GNG8: variants seen among roughly 807,000 people sequenced by gnomAD.
GNG8 encodes the protein guanine nucleotide-binding protein G(I)/G(S)/G(O) subunit gamma-8.
Under a neutral mutation model 4.6 loss-of-function variants are expected in GNG8, and 3 were observed. That is an observed-to-expected ratio of 0.65 (90% CI 0.29 to 1.67). The LOEUF is 1.67. Ranked by LOEUF, GNG8 falls within the 40% of genes most tolerant of loss-of-function variation. The pLI, the probability that GNG8 is intolerant of heterozygous loss-of-function variation, is 0.10. For missense variants in GNG8, 88 were observed against 95.2 expected (o/e 0.92, Z 0.32); for synonymous variants, 32 against 40.5 (o/e 0.79, Z 0.80).
upstream of GNG8, chr19:46,638,489 C>T (rs573558963): frequency 1.1e-3 from 176 of 153,418 alleles, 1 homozygote; most frequent in Middle Eastern, 0.01. The surrounding 1 kb of genome is among the most constrained non-coding windows in gnomAD (Gnocchi z 4.7). Context: ...ACACAGTTTC[C>T]TGGCGTCGTA....
intron 2 of GNG8, 56 bp downstream of exon 2, chr19:46,634,543 C>T: frequency 1.3e-6 from 2 of 1,503,492 alleles, no homozygotes; most frequent in Non-Finnish European, 1.8e-6. Context: ...CCGACACAGC[C>T]CCGGACAGAC....
chr19:46,638,764 C>G (rs1412899945), upstream of GNG8: 1 of 152,516 alleles, frequency 6.6e-6, no homozygotes, highest in Non-Finnish European at 1.5e-5. The surrounding 1 kb of genome is among the most constrained non-coding windows in gnomAD (Gnocchi z 4.7). Context: ...CACCCTGCCC[C>G]GAGAGGCCGC....
rs764126111 is a variant in GNG8, at chr19:46,634,211, G to A, written c.85-7C>T. On this transcript the variant is annotated splice_polypyrimidine_tract_variant and splice_region_variant and intron_variant, in intron 2 of 2. Transcript: ENST00000693335. ...CCGCTGCTGCCTGCGACACCTGCGAGCACCCGGGTGGAGATGTCACCGCCC... is the reference window on the plus strand; with the variant it reads ...CCGCTGCTGCCTGCGACACCTGCGAACACCCGGGTGGAGATGTCACCGCCC... The A allele has an allele frequency of 6.9e-6, 11 of 1,600,092 alleles. No individual in the cohort carries two copies. Among genetic ancestry groups the A allele is most frequent in the Admixed American group, 1.7e-5 (1 of 58,860 alleles).
At chr19:46,635,956 T>G (rs2052865884) in intron 1 of GNG8, among the ~76,000 whole-genome samples, 191 bp downstream of exon 1, 7 of 136,346 alleles carry the variant, frequency 5.1e-5, no homozygotes, top group African/African-American at 1.1e-4. Context: ...AAGAGGGAGA[T>G]GGAGGGGTTG....
chr19:46,634,904 G>A (rs1002618590), intron 1 of GNG8, among the ~76,000 whole-genome samples, 179 bp from the exon 2 acceptor site: 16 of 151,862 alleles, frequency 1.1e-4, no homozygotes, highest in Non-Finnish European at 1.8e-4. Flanking sequence ...GATGGAGGTA[G>A]CTAAGGCAGG....
At position 46,634,012 on chromosome 19, in the gene GNG8, C is replaced by T. The variant is rs934454331; in HGVS notation, c.*64G>A. On this transcript the variant is annotated 3_prime_UTR_variant, in exon 3 of 3. Transcript: ENST00000693335. Reference sequence around the variant, plus strand: ...TCAGTCTCCCTGAAAGCACAGGCACCACCACAGTTACCAAGTTTATTGGAT... The same window carrying T: ...TCAGTCTCCCTGAAAGCACAGGCACTACCACAGTTACCAAGTTTATTGGAT... The T allele has an allele frequency of 2.6e-6, 4 of 1,551,430 alleles. No homozygotes were observed. In the African/African-American group the frequency reaches 5.5e-5, roughly 21 times the overall value.
upstream of GNG8, chr19:46,638,564 A>C (rs1421194312): frequency 6.5e-6 from 1 of 152,880 alleles, no homozygotes; most frequent in African/African-American, 2.4e-5. This position sits in a 1 kb window ranked among gnomAD's most constrained non-coding sequence, Gnocchi z 4.7. Flanking sequence ...GGCAGTACAC[A>C]CTCACACACT....
intron 2 of GNG8, among the ~76,000 whole-genome samples, 171 bp from the exon 3 acceptor site, chr19:46,634,375 C>T (rs11083843): frequency 7.1e-6 from 1 of 140,042 alleles, no homozygotes; most frequent in Admixed American, 7.1e-5. Context: ...TCCTACCCCG[C>T]CCCTCGTCCT....
chr19:46,636,451 C>T (rs888242312), upstream of GNG8, among the ~76,000 whole-genome samples: 5 of 152,190 alleles, frequency 3.3e-5, no homozygotes, highest in Admixed American at 6.5e-5. Context: ...CCCCGGGCCT[C>T]GCTACATTTA....
Position 46,635,182 on chromosome 19 carries a change from G to GC in GNG8, c.-43-458dup, listed in dbSNP as rs200857560. ...CTGCCCTCTCCGCCACCCTCAGGGA[G>GC]CCCCCCCACCCTAGCCCTGGTCACC... is the stretch of plus-strand genomic sequence containing the variant. On this transcript the variant is annotated intron_variant, in intron 1 of 2. Transcript: ENST00000693335. 6.7e-3 allele frequency among the ~76,000 whole-genome samples: 1,023 copies of GC among 151,904 alleles called. 11 individuals carry two copies. Among genetic ancestry groups the GC allele is most frequent in the South Asian group, 0.04 (192 of 4,804 alleles).
chr19:46,634,167 T>C lies in GNG8; in HGVS notation c.122A>G (p.Glu41Gly), dbSNP rs2052846529. ...QAAAELLAFC[E>G]THAKDDPLVT... ...CAGCGGGTCATCTTTGGCATGCGTC[T>C]CGCAGAAAGCCAGGAGTTCCGCTGC... The change falls in exon 3 of 3, where the codon GAG becomes GGG. Residue 41 changes from glutamate to glycine, a missense_variant. Glu to Gly is a moderately conservative substitution (Grantham distance 98). Coordinates refer to ENST00000693335, the MANE Select transcript of GNG8 (RefSeq NM_033258.2). The C allele has an allele frequency of 6.2e-7, 1 of 1,613,384 alleles. No homozygotes were observed. The highest frequency in any genetic ancestry group is 1.7e-5 in the Admixed American group (1 of 59,978).
chr19:46,638,724 A>C (rs555938274), upstream of GNG8: 1 of 152,408 alleles, frequency 6.6e-6, no homozygotes. This position sits in a 1 kb window ranked among gnomAD's most constrained non-coding sequence, Gnocchi z 4.7. Context: ...TGCCGGCCAC[A>C]TGAGGGCGCG....
At chr19:46,635,441 T>C (rs1488899882) in intron 1 of GNG8, among the ~76,000 whole-genome samples, 1 of 117,844 alleles carries the variant, frequency 8.5e-6, no homozygotes, top group African/African-American at 3.4e-5. Flanking sequence ...GAGGGACAAA[T>C]GAAGGGGGGA....
intron 2 of GNG8, 28 bp from the exon 3 acceptor site, chr19:46,634,232 C>A (rs1273840201): frequency 8.2e-6 from 13 of 1,591,484 alleles, no homozygotes; most frequent in African/African-American, 1.3e-5. Context: ...GAGATGTCAC[C>A]GCCCTGCCCG....
chr19:46,639,060 G>C (rs961272731), upstream of GNG8: 4 of 153,306 alleles, frequency 2.6e-5, no homozygotes, highest in Admixed American at 2.6e-4. The surrounding 1 kb of genome is among the most constrained non-coding windows in gnomAD (Gnocchi z 5.2). Flanking sequence ...GACACAGAGA[G>C]ACCGGGGTAG....
At chr19:46,637,969 GC>G (rs2052879209), upstream of GNG8, 1 of 152,328 alleles carries the variant, frequency 6.6e-6, no homozygotes, top group African/African-American at 2.4e-5. Flanking sequence ...TCCCACCCAG[GC>G]CCCCTATGTG....
rs1264369651 is a variant in GNG8, at chr19:46,633,990, G to C, written c.*86C>G. ...GGCCCCAAGCTCTGTGCGTGCCTCAGTCTCCCTGAAAGCACAGGCACCACC... is the reference window on the plus strand; with the variant it reads ...GGCCCCAAGCTCTGTGCGTGCCTCACTCTCCCTGAAAGCACAGGCACCACC... On this transcript the variant is annotated 3_prime_UTR_variant, in exon 3 of 3. Coordinates refer to ENST00000693335, the MANE Select transcript of GNG8 (RefSeq NM_033258.2). 1.8e-5 allele frequency: 27 copies of C among 1,480,716 alleles called. No individual in the cohort carries two copies. The highest frequency in any genetic ancestry group is 2.4e-5 in the Non-Finnish European group (26 of 1,092,230). 91.7% of individuals were successfully genotyped at this position (1,480,716 alleles called of 1,614,324 possible).
At chr19:46,634,571 C>T in intron 2 of GNG8, 28 bp downstream of exon 2, 6 of 1,592,782 alleles carry the variant, frequency 3.8e-6, no homozygotes, top group Non-Finnish European at 5.2e-6. Flanking sequence ...CCAGAACCCC[C>T]GCCCTATTCC....
chr19:46,637,385 C>T (rs2052875694), upstream of GNG8: 1 of 152,506 alleles, frequency 6.6e-6, no homozygotes, highest in Admixed American at 6.6e-5. Flanking sequence ...CCCACGATGG[C>T]TCAGTGTCTC....
Sources: allele counts gnomAD v4.1 joint callset (sites outside exome capture counted in the v4.1 genomes callset), GRCh38; gene constraint gnomAD v4.1.1; non-coding constraint Gnocchi (gnomAD v3.1); transcripts MANE v1.5; gene names NCBI Gene and HGNC (gene_info 2026-07-23, HGNC 2026-07-21).